Variants in PIEZO2 observed in about 807,000 individuals in gnomAD.
PIEZO2 encodes piezo-type mechanosensitive ion channel component 2.
Under a neutral mutation model 337.3 loss-of-function variants are expected in PIEZO2, and 172 were observed. The observed-to-expected ratio is 0.51, with a 90% CI of 0.45 to 0.58. PIEZO2 has a LOEUF of 0.58. Among genes scored for constraint, PIEZO2 ranks in the 20% least tolerant of loss-of-function variants. The pLI is 0.00. For synonymous variants in PIEZO2, 1,251 were observed against 1,228.5 expected, an observed-to-expected ratio of 1.02 and a Z score of -0.38; for missense variants, 3,028 against 3,391.3, an observed-to-expected ratio of 0.89 and a Z score of 2.66.
rs1189165376 is a variant in PIEZO2 at position 11,002,146 on chromosome 18, C to T, written c.161-22486G>A. On this transcript the variant is annotated intron_variant, in intron 2 of 55. Coordinates refer to ENST00000674853, the MANE Select transcript of PIEZO2 (RefSeq NM_001378183.1). The surrounding 1 kb of genome is among the most constrained non-coding windows in gnomAD (Gnocchi z 4.3). The stretch of plus-strand genomic sequence containing the variant: ...TAATAATGATTATAGTCCAATAAAA[C>T]TTTAGTTATGGACACTAACATTTGA... 6.6e-6 allele frequency among the ~76,000 whole-genome samples: 1 copy of T among 152,184 alleles called. No homozygotes were observed. Among genetic ancestry groups the T allele is most frequent in the African/African-American group, 2.4e-5 (1 of 41,450 alleles).
At position 11,072,848 on chromosome 18, in the gene PIEZO2, G is replaced by A. The variant is rs74617037; in HGVS notation, c.65-6626C>T. Among the ~76,000 whole-genome samples the A allele has an allele frequency of 4.1e-3, 617 of 152,214 alleles. 3 individuals carry two copies. Among genetic ancestry groups the A allele is most frequent in the African/African-American group, 0.014 (587 of 41,518 alleles). ...TCAAGGGCTCAGTAAGGTCAAGGCCGGGCTAGGATTACAGGTATAAGCCAC... is the reference window on the plus strand; with the variant it reads ...TCAAGGGCTCAGTAAGGTCAAGGCCAGGCTAGGATTACAGGTATAAGCCAC... On this transcript the variant is annotated intron_variant, in intron 1 of 55. Transcript: ENST00000674853.
chr18:10,981,446 C>T (rs1033431087), intron 2 of PIEZO2, among the ~76,000 whole-genome samples: 6 of 152,080 alleles, frequency 3.9e-5, no homozygotes, highest in Non-Finnish European at 7.4e-5. Flanking sequence ...ATGTAATTCA[C>T]CGTATTAGCA....
rs2041410917 is a variant in PIEZO2 at position 10,847,723 on chromosome 18, A to G, written c.917+7630T>C. Among the ~76,000 whole-genome samples the G allele has an allele frequency of 6.6e-6, 1 of 152,232 alleles. No individual in the cohort carries two copies. Among genetic ancestry groups the G allele is most frequent in the South Asian group, 2.1e-4 (1 of 4,832 alleles). ...GGCACCTAACTCTACCTTTCAGATA[A>G]GCATAAATGAACTCTGAATGAGACC... On this transcript the variant is annotated intron_variant, in intron 7 of 55. Coordinates refer to ENST00000674853, the MANE Select transcript of PIEZO2 (RefSeq NM_001378183.1). The surrounding 1 kb of genome is among the most constrained non-coding windows in gnomAD (Gnocchi z 5.7).
chr18:10,958,275 C>T (rs1407940699), intron 3 of PIEZO2, among the ~76,000 whole-genome samples: 2 of 152,096 alleles, frequency 1.3e-5, no homozygotes, highest in Admixed American at 6.5e-5. Flanking sequence ...TGAATAAGCT[C>T]GCTTTATGTG....
At chr18:10,991,928 G>A (rs760192692) in intron 2 of PIEZO2, among the ~76,000 whole-genome samples, 25 of 152,236 alleles carry the variant, frequency 1.6e-4, no homozygotes, top group Admixed American at 1.0e-3. Flanking sequence ...CATTCTAACC[G>A]GTGTGAGATG....
At chr18:10,994,222 A>G (rs991762272) in intron 2 of PIEZO2, among the ~76,000 whole-genome samples, 5 of 152,190 alleles carry the variant, frequency 3.3e-5, no homozygotes, top group African/African-American at 9.7e-5. Context: ...TCCATCACAT[A>G]TATGTTTCTT....
Position 10,759,714 on chromosome 18 carries a change from G to T in PIEZO2, c.3646C>A (p.Pro1216Thr). ...GGAAGGGCAGGCTCACCTCGGCAAG[G>T]AGCAGGTGGGATGCCAATGCAGATG... The part of the protein sequence containing the change: ...YFICIGIPPA[P>T]CRDYPWRFKG... Residue 1216 changes from proline (P) to threonine (T), a missense_variant, in exon 25 of 56, where the codon CCT (proline) becomes ACT (threonine). Pro to Thr is a conservative substitution (Grantham distance 38, BLOSUM62 -1). Transcript: ENST00000674853. The surrounding 1 kb of genome is among the most constrained non-coding windows in gnomAD (Gnocchi z 5.5). 1 of 1,537,280 alleles carries T rather than the reference G, an allele frequency of 6.5e-7. No individual in the cohort carries two copies. The highest frequency in any genetic ancestry group is 1.2e-5 in the South Asian group (1 of 84,050).
chr18:11,023,534 A>G (rs1007239099), intron 2 of PIEZO2, among the ~76,000 whole-genome samples: 1 of 152,196 alleles, frequency 6.6e-6, no homozygotes, highest in African/African-American at 2.4e-5. Flanking sequence ...TCCCTTAGCT[A>G]GACATAAAGG....
rs1414291139 is a variant in PIEZO2, at chr18:10,895,113, A to G, written c.329+16073T>C. ...TGTGTCCTCCAGGCACTTAGATGCC[A>G]CTGGCTTCTAGCTCCCACCAGGTTA... On this transcript the variant is annotated intron_variant, in intron 4 of 55. Transcript: ENST00000674853. This position sits in a 1 kb window ranked among gnomAD's most constrained non-coding sequence, Gnocchi z 4.8. 6.6e-6 allele frequency among the ~76,000 whole-genome samples: 1 copy of G among 152,176 alleles called. No homozygotes were observed. Among genetic ancestry groups the G allele is most frequent in the Non-Finnish European group, 1.5e-5 (1 of 68,032 alleles).
Position 10,748,923 on chromosome 18 carries a change from C to A in PIEZO2, c.4265-293G>T, listed in dbSNP as rs1028216732. Among the ~76,000 whole-genome samples the A allele has an allele frequency of 1.1e-4, 16 of 152,020 alleles. No homozygotes were observed. On this transcript the variant is annotated intron_variant, in intron 29 of 55. Transcript: ENST00000674853. The surrounding 1 kb of genome is among the most constrained non-coding windows in gnomAD (Gnocchi z 5.1). Reference sequence around the variant, plus strand: ...TTTCTCTCTCTTAGGAAGAAAGGGACCTCCAACAAAGGCCACAGAGAAATA... The same window carrying A: ...TTTCTCTCTCTTAGGAAGAAAGGGAACTCCAACAAAGGCCACAGAGAAATA...
At chr18:10,970,376 C>G (rs1254132949) in intron 3 of PIEZO2, among the ~76,000 whole-genome samples, 1 of 152,196 alleles carries the variant, frequency 6.6e-6, no homozygotes, top group African/African-American at 2.4e-5. Context: ...GCTCTTCGCC[C>G]GTCTAGATGA....
At chr18:10,978,192 T>C (rs956265692) in intron 3 of PIEZO2, among the ~76,000 whole-genome samples, 3 of 151,862 alleles carry the variant, frequency 2.0e-5, no homozygotes, top group African/African-American at 7.3e-5. Context: ...AATAAATAGC[T>C]GGGCATGGTG....
chr18:10,699,950 A>C (rs1276330609), intron 43 of PIEZO2, among the ~76,000 whole-genome samples: 5 of 152,230 alleles, frequency 3.3e-5, no homozygotes, highest in Admixed American at 6.5e-5. Context: ...GTCAGAAATC[A>C]GTTGGTCAAA....
chr18:10,962,458 A>G lies in PIEZO2; in HGVS notation c.286+17077T>C, dbSNP rs1296789769. Among the ~76,000 whole-genome samples, 1 of 152,194 alleles carries G rather than the reference A, an allele frequency of 6.6e-6. No homozygotes were observed. Among genetic ancestry groups the G allele is most frequent in the Non-Finnish European group, 1.5e-5 (1 of 68,044 alleles). ...GCCTGGGATCCCAGGAGCTGCACGC[A>G]GGGCTCGCTCCTTGCTCCTTGGTGT... is the stretch of plus-strand genomic sequence containing the variant. On this transcript the variant is annotated intron_variant, in intron 3 of 55. Coordinates refer to ENST00000674853, the MANE Select transcript of PIEZO2 (RefSeq NM_001378183.1). This position sits in a 1 kb window ranked among gnomAD's most constrained non-coding sequence, Gnocchi z 4.1.
At position 11,120,833 on chromosome 18, in the gene PIEZO2, G is replaced by A. The variant is rs536950392; in HGVS notation, c.64+27692C>T. Among the ~76,000 whole-genome samples the A allele has an allele frequency of 7.0e-4, 107 of 152,178 alleles. No homozygotes were observed. In the Middle Eastern group the frequency reaches 0.01, roughly 15 times the overall value. ...TTGCATCTATGGATCTGGGACCTGC[G>A]GTCAGAGAAAGAATATATCTTTCCT... On this transcript the variant is annotated intron_variant, in intron 1 of 55. Transcript: ENST00000674853.
rs1248115158 is a variant in PIEZO2, at chr18:11,003,281, TG to T, written c.161-23622del. Among the ~76,000 whole-genome samples the T allele has an allele frequency of 6.6e-6, 1 of 152,230 alleles. No individual in the cohort carries two copies. The highest frequency in any genetic ancestry group is 1.5e-5 in the Non-Finnish European group (1 of 68,048). On this transcript the variant is annotated intron_variant, in intron 2 of 55. Coordinates refer to ENST00000674853, the MANE Select transcript of PIEZO2 (RefSeq NM_001378183.1). This position sits in a 1 kb window ranked among gnomAD's most constrained non-coding sequence, Gnocchi z 4.6. ...TTGTTTGTTTTGTTTTGTTTTGTTT[TG>T]CCAATTCACTTAACAAACCACAGTA...
chr18:11,003,098 C>G lies in PIEZO2; in HGVS notation c.161-23438G>C, dbSNP rs1445727280. 2.0e-5 allele frequency among the ~76,000 whole-genome samples: 3 copies of G among 152,188 alleles called. No homozygotes were observed. The highest frequency in any genetic ancestry group is 7.2e-5 in the African/African-American group (3 of 41,454). Reference sequence around the variant, plus strand: ...GGAGATGTCCAGTGACATGTCTTTGCCGTGCCCTCCCAGGTCTTCCTCCAG... The same window carrying G: ...GGAGATGTCCAGTGACATGTCTTTGGCGTGCCCTCCCAGGTCTTCCTCCAG... On this transcript the variant is annotated intron_variant, in intron 2 of 55. Transcript: ENST00000674853. The surrounding 1 kb of genome is among the most constrained non-coding windows in gnomAD (Gnocchi z 4.6).
chr18:10,751,485 T>C (rs562295378), intron 28 of PIEZO2, among the ~76,000 whole-genome samples: 1 of 152,208 alleles, frequency 6.6e-6, no homozygotes, highest in African/African-American at 2.4e-5. Context: ...ATAAGTCACT[T>C]TCACCATCAC....
At chr18:11,030,952 A>C (rs1415892530) in intron 2 of PIEZO2, among the ~76,000 whole-genome samples, 2 of 152,144 alleles carry the variant, frequency 1.3e-5, no homozygotes, top group Non-Finnish European at 2.9e-5. Flanking sequence ...AGCAATCTCG[A>C]GTAGTCCACT....
Sources: gnomAD v4.1 joint callset for allele counts (sites outside exome capture counted in the v4.1 genomes callset) on GRCh38, gnomAD v4.1.1 for gene constraint, Gnocchi (gnomAD v3.1) non-coding constraint, MANE v1.5 for transcripts, NCBI Gene and HGNC (gene_info 2026-07-23, HGNC 2026-07-21) for gene names.